CNDP1: variants seen among roughly 807,000 people sequenced by gnomAD.
CNDP1 encodes the protein carnosine dipeptidase 1.
A neutral mutation model predicts 58.1 loss-of-function variants in CNDP1; 44 were observed. The observed-to-expected ratio is 0.76, with a 90% CI of 0.60 to 0.97. The LOEUF is 0.97. Among genes scored for constraint, CNDP1 ranks in the 50% least tolerant of loss-of-function variants. CNDP1 has a pLI of 0.00. For missense variants in CNDP1, 616 were observed against 655.1 expected (o/e 0.94, Z 0.65); for synonymous variants, 254 against 252.6 (o/e 1.01, Z -0.05).
At chr18:74,577,620 G>T (rs371932747) in intron 8 of CNDP1, 1 of 152,692 alleles carries the variant, frequency 6.5e-6, no homozygotes, top group African/African-American at 2.4e-5. Flanking sequence ...GCCGAGAGGG[G>T]GAAAAGCAAG....
intron 6 of CNDP1, among the ~76,000 whole-genome samples, chr18:74,569,236 C>T (rs919280934): frequency 5.3e-5 from 8 of 152,052 alleles, no homozygotes; most frequent in Non-Finnish European, 1.0e-4. Flanking sequence ...GCTAAAGTGA[C>T]CATACCGAAG....
chr18:74,560,100 C>T (rs12969794), intron 3 of CNDP1, among the ~76,000 whole-genome samples: 1 of 151,636 alleles, frequency 6.6e-6, no homozygotes, highest in African/African-American at 2.4e-5. Context: ...ACCTCCGCCT[C>T]CCAGGTCCCA....
At chr18:74,581,788 A>G in intron 10 of CNDP1, among the ~76,000 whole-genome samples, 1 of 152,172 alleles carries the variant, frequency 6.6e-6, no homozygotes, top group Admixed American at 6.5e-5. Flanking sequence ...ACAATAGCAG[A>G]ATGGGGGCTC....
intron 1 of CNDP1, among the ~76,000 whole-genome samples, chr18:74,538,572 T>C (rs12964034): frequency 0.99 from 150,210 of 152,226 alleles, 74,137 homozygotes; most frequent in Middle Eastern, 1. Context: ...AATTGCCGGT[T>C]GATACAGTAG....
rs1486926820 is a variant in CNDP1 at position 74,567,320 on chromosome 18, G to A, written c.643G>A (p.Asp215Asn). The change falls in exon 6 of 12, where the codon GAC (aspartate) becomes AAC (asparagine). Residue 215 changes from aspartate to asparagine, a missense_variant. Physicochemically the swap from Asp to Asn is conservative, Grantham distance 23. Transcript: ENST00000358821. The part of the protein sequence containing the change: ...ALEELVEKEK[D>N]RFFSGVDYIV... Reference sequence around the variant, plus strand: ...GGAGGAACTTGTGGAAAAAGAAAAGGACCGATTCTTCTCTGGTGTGGACTA... The same window carrying A: ...GGAGGAACTTGTGGAAAAAGAAAAGAACCGATTCTTCTCTGGTGTGGACTA... 1.2e-6 allele frequency: 2 copies of A among 1,614,106 alleles called. No individual in the cohort carries two copies. The highest frequency in any genetic ancestry group is 1.7e-5 in the Admixed American group (1 of 60,026).
At chr18:74,567,489 A>G in intron 6 of CNDP1, 56 bp downstream of exon 6, 1 of 1,404,566 alleles carries the variant, frequency 7.1e-7, no homozygotes, top group Non-Finnish European at 1.0e-6. Context: ...GAATGGGAGC[A>G]CCAATCCATT....
chr18:74,553,346 G>C (rs1388198315), intron 1 of CNDP1, among the ~76,000 whole-genome samples: 2 of 152,058 alleles, frequency 1.3e-5, no homozygotes, highest in African/African-American at 2.4e-5. Flanking sequence ...CTCATCCAAA[G>C]GTAGGAAGAT....
chr18:74,569,265 T>C (rs939114137), intron 6 of CNDP1, among the ~76,000 whole-genome samples: 2 of 152,024 alleles, frequency 1.3e-5, no homozygotes, highest in Admixed American at 6.6e-5. Flanking sequence ...GGTGCCACAT[T>C]GAAGATGAAG....
intron 5 of CNDP1, among the ~76,000 whole-genome samples, chr18:74,564,210 G>A (rs991367852): frequency 3.3e-5 from 5 of 152,122 alleles, no homozygotes; most frequent in Admixed American, 2.0e-4. Flanking sequence ...GTGCGGTGTC[G>A]TTTATCTGCT....
chr18:74,566,718 C>T (rs2144661594), intron 5 of CNDP1, among the ~76,000 whole-genome samples: 1 of 152,372 alleles, frequency 6.6e-6, no homozygotes, highest in South Asian at 2.1e-4. Flanking sequence ...AAGTTCCAAA[C>T]TTTCCACATT....
Position 74,585,814 on chromosome 18 carries a change from G to C in CNDP1, c.*1252G>C, listed in dbSNP as rs952986253. On this transcript the variant is annotated 3_prime_UTR_variant, in exon 12 of 12. Transcript: ENST00000358821. ...GTTCGAGATCAGCCTGGCTAACATG[G>C]TGAAACCCTGTCTCTACTGAATATA... The C allele has an allele frequency of 1.3e-5, 2 of 151,754 alleles. 1 individual carries two copies. The highest frequency in any genetic ancestry group is 2.9e-5 in the Non-Finnish European group (2 of 67,884). The allele number at this position is 151,754 out of a possible 1,614,324, so 9.4% of individuals were successfully genotyped here. A position where few individuals can be genotyped will look rare whatever the true frequency, so the allele number is the denominator to read the frequency against.
At chr18:74,568,234 A>G (rs1981379839) in intron 6 of CNDP1, among the ~76,000 whole-genome samples, 1 of 152,224 alleles carries the variant, frequency 6.6e-6, no homozygotes, top group African/African-American at 2.4e-5. Flanking sequence ...TTCAGATGTC[A>G]GCACATACAC....
At chr18:74,576,391 C>T (rs1981638162) in intron 7 of CNDP1, 1 of 152,108 alleles carries the variant, frequency 6.6e-6, no homozygotes, top group African/African-American at 2.4e-5. Flanking sequence ...TTGGGAATTC[C>T]TGGGCTCAAG....
intron 5 of CNDP1, 113 bp downstream of exon 5, chr18:74,562,248 C>G: frequency 1.1e-6 from 1 of 898,170 alleles, no homozygotes; most frequent in Non-Finnish European, 1.8e-6. Flanking sequence ...CTCGCCCCAA[C>G]AATCTTTGGA....
chr18:74,578,264 A>C lies in CNDP1; in HGVS notation c.1104A>C (p.Arg368=). ...GAACTAAAACAGTCATACCTGGCCG[A>C]GTTATAGGAAAATTTTCAATCCGTC... ...EPGTKTVIPG[R]VIGKFSIRLV... The change falls in exon 9 of 12, where the codon CGA becomes CGC. Residue 368 remains arginine (R), a synonymous_variant. Coordinates refer to ENST00000358821, the MANE Select transcript of CNDP1 (RefSeq NM_032649.6). 3 of 1,614,036 alleles carry C rather than the reference A, an allele frequency of 1.9e-6. No homozygotes were observed. Among genetic ancestry groups the C allele is most frequent in the Non-Finnish European group, 2.5e-6 (3 of 1,179,992 alleles).
At chr18:74,573,773 C>T (rs1981558729) in intron 7 of CNDP1, among the ~76,000 whole-genome samples, 1 of 152,232 alleles carries the variant, frequency 6.6e-6, no homozygotes, top group Non-Finnish European at 1.5e-5. Flanking sequence ...TGCGTGGCTT[C>T]AGCCAGGCAT....
intron 1 of CNDP1, among the ~76,000 whole-genome samples, chr18:74,553,517 G>C (rs1980961434): frequency 6.6e-6 from 1 of 152,074 alleles, no homozygotes; most frequent in African/African-American, 2.4e-5. Context: ...TGAAAAGACT[G>C]TTTTCCCCCA....
chr18:74,573,889 T>C (rs1981562246), intron 7 of CNDP1, among the ~76,000 whole-genome samples: 1 of 93,046 alleles, frequency 1.1e-5, no homozygotes, highest in Non-Finnish European at 2.1e-5. Context: ...TAGTTCTTGA[T>C]ACAAATCAAA....
intron 7 of CNDP1, among the ~76,000 whole-genome samples, chr18:74,573,938 T>G (rs1981564027): frequency 6.6e-6 from 1 of 152,252 alleles, no homozygotes; most frequent in Non-Finnish European, 1.5e-5. Context: ...GTGTCCTCTA[T>G]GTGGTTTTCA....
Sources: gnomAD v4.1 joint callset for allele counts (sites outside exome capture counted in the v4.1 genomes callset) on GRCh38, gnomAD v4.1.1 for gene constraint, MANE v1.5 for transcripts, NCBI Gene and HGNC (gene_info 2026-07-23, HGNC 2026-07-21) for gene names.